Variants in CDH13 observed in about 807,000 individuals in gnomAD.
CDH13 encodes the protein cadherin 13, also known as cadherin-13.
A neutral mutation model predicts 63.8 loss-of-function variants in CDH13; 24 were observed. The ratio of observed to expected loss-of-function variants is 0.38; its 90% CI spans 0.27 to 0.53. The LOEUF (loss-of-function observed/expected upper bound fraction) is 0.53, where lower values mean the gene tolerates loss of function less well. Ranked by LOEUF, CDH13 falls within the 20% of genes least tolerant of loss-of-function variation. CDH13 has a pLI of 0.85. For synonymous variants in CDH13, 503 were observed against 355.3 expected, an observed-to-expected ratio of 1.42 and a Z score of -4.67; for missense variants, 1,049 against 903.1, an observed-to-expected ratio of 1.16 and a Z score of -2.07.
chr16:83,246,839 A>C (rs2194341), intron 5 of CDH13, among the ~76,000 whole-genome samples: 123,095 of 152,150 alleles, frequency 0.81, 49,929 homozygotes, highest in East Asian at 0.97. Flanking sequence ...TTCCTTCTTC[A>C]GTTCTCCTTT....
chr16:83,634,424 G>A (rs1019551281), intron 8 of CDH13, among the ~76,000 whole-genome samples: 16 of 148,866 alleles, frequency 1.1e-4, no homozygotes, highest in Non-Finnish European at 2.1e-4. Context: ...TTTTTGAGAC[G>A]GAGTCTTTCC....
chr16:82,738,185 A>G (rs903285215), intron 1 of CDH13, among the ~76,000 whole-genome samples: 6 of 152,234 alleles, frequency 3.9e-5, no homozygotes, highest in Non-Finnish European at 7.3e-5. Context: ...TCTTGCAAGA[A>G]TATGATGGGT....
intron 2 of CDH13, among the ~76,000 whole-genome samples, chr16:82,996,273 A>G (rs1912192878): frequency 6.6e-6 from 1 of 152,166 alleles, no homozygotes; most frequent in East Asian, 1.9e-4. Flanking sequence ...AAGAAAAAAA[A>G]AGAGTAAACC....
chr16:82,969,478 CTTTTTT>C (rs10652088), intron 2 of CDH13, among the ~76,000 whole-genome samples: 3 of 131,188 alleles, frequency 2.3e-5, no homozygotes, highest in African/African-American at 5.7e-5. Context: ...TCTGCATATT[CTTTTTT>C]TTTTTTTTTT....
At chr16:82,910,473 A>G (rs753426896) in intron 2 of CDH13, among the ~76,000 whole-genome samples, 1 of 151,908 alleles carries the variant, frequency 6.6e-6, no homozygotes, top group Non-Finnish European at 1.5e-5. Context: ...TGTATTATTT[A>G]TTCATGTTTT....
At chr16:82,920,393 A>G (rs553877343) in intron 2 of CDH13, among the ~76,000 whole-genome samples, 62 of 152,210 alleles carry the variant, frequency 4.1e-4, no homozygotes, top group Non-Finnish European at 7.6e-4. Flanking sequence ...AAAGCACAGG[A>G]TGAAGTTCAC....
intron 1 of CDH13, among the ~76,000 whole-genome samples, chr16:82,855,809 T>A (rs1485340530): frequency 6.6e-6 from 1 of 152,168 alleles, no homozygotes; most frequent in Non-Finnish European, 1.5e-5. Flanking sequence ...AGCCACACGG[T>A]GAACCTCCTG....
rs116517231 is a variant in CDH13, at chr16:82,969,260, C to T, written c.158-62750C>T. On this transcript the variant is annotated intron_variant, in intron 2 of 13. Coordinates refer to ENST00000567109, the MANE Select transcript of CDH13 (RefSeq NM_001257.5). ...TAGTTTCTCTTATAACTAGTAAACT[C>T]TGCTACTGTATATCTAATGGCCCTA... Among the ~76,000 whole-genome samples, 910 of 152,254 alleles carry T rather than the reference C, an allele frequency of 6.0e-3. 8 individuals carry two copies. The highest frequency in any genetic ancestry group is 0.021 in the African/African-American group (876 of 41,536).
intron 5 of CDH13, among the ~76,000 whole-genome samples, chr16:83,293,825 T>C (rs1235077272): frequency 6.6e-6 from 1 of 152,118 alleles, no homozygotes; most frequent in Non-Finnish European, 1.5e-5. Context: ...CCCAACAGAG[T>C]GGGAGCTAAC....
chr16:83,343,541 T>A (rs1266673003), intron 5 of CDH13, among the ~76,000 whole-genome samples: 1 of 152,212 alleles, frequency 6.6e-6, no homozygotes, highest in Non-Finnish European at 1.5e-5. Context: ...AATTTTGCCA[T>A]GCTTTTGAAA....
chr16:82,935,246 T>G (rs1424801855), intron 2 of CDH13, among the ~76,000 whole-genome samples: 1 of 152,092 alleles, frequency 6.6e-6, no homozygotes, highest in Non-Finnish European at 1.5e-5. Context: ...GACAGCTCCT[T>G]ATAAAGCCAT....
chr16:83,326,842 T>C (rs1442587325), intron 5 of CDH13, among the ~76,000 whole-genome samples: 1 of 152,194 alleles, frequency 6.6e-6, no homozygotes, highest in Non-Finnish European at 1.5e-5. Context: ...TCATGTGCCC[T>C]GTCTGTACTC....
intron 5 of CDH13, among the ~76,000 whole-genome samples, chr16:83,223,464 A>C (rs373553799): frequency 6.6e-6 from 1 of 152,226 alleles, no homozygotes; most frequent in South Asian, 2.1e-4. Context: ...TTACAACAAG[A>C]GTTTTGGAGG....
intron 7 of CDH13, among the ~76,000 whole-genome samples, chr16:83,585,016 C>T (rs1358396295): frequency 6.6e-6 from 1 of 152,140 alleles, no homozygotes; most frequent in African/African-American, 2.4e-5. Context: ...CCCACCAGGC[C>T]CCACCTCCAA....
At chr16:83,258,586 C>T (rs938946859) in intron 5 of CDH13, among the ~76,000 whole-genome samples, 1 of 152,294 alleles carries the variant, frequency 6.6e-6, no homozygotes, top group Non-Finnish European at 1.5e-5. Context: ...ATGTGCACTG[C>T]GGACCATTGG....
At chr16:83,550,069 A>G (rs1397439097) in intron 7 of CDH13, among the ~76,000 whole-genome samples, 1 of 152,234 alleles carries the variant, frequency 6.6e-6, no homozygotes, top group African/African-American at 2.4e-5. Flanking sequence ...CTTGCCTTCT[A>G]GTGCAGGGGT....
At chr16:83,569,152 G>T (rs4611443) in intron 7 of CDH13, among the ~76,000 whole-genome samples, 1 of 152,044 alleles carries the variant, frequency 6.6e-6, no homozygotes, top group Non-Finnish European at 1.5e-5. Flanking sequence ...TGCCCTCTGT[G>T]CTTTGCACAT....
intron 7 of CDH13, among the ~76,000 whole-genome samples, chr16:83,537,961 C>T (rs750248569): frequency 6.6e-6 from 1 of 152,128 alleles, no homozygotes; most frequent in Non-Finnish European, 1.5e-5. Flanking sequence ...AGTCTGTTTC[C>T]TTTCCCAGTT....
chr16:83,253,972 A>G (rs1905903137), intron 5 of CDH13, among the ~76,000 whole-genome samples: 1 of 152,194 alleles, frequency 6.6e-6, no homozygotes, highest in South Asian at 2.1e-4. Context: ...GTCTGCCCAG[A>G]GTCAATCTTA....
Sources: gnomAD v4.1 joint callset for allele counts (sites outside exome capture counted in the v4.1 genomes callset) on GRCh38, gnomAD v4.1.1 for gene constraint, MANE v1.5 for transcripts, NCBI Gene and HGNC (gene_info 2026-07-23, HGNC 2026-07-21) for gene names.